Variants in KIF17 observed in about 807,000 individuals in gnomAD.
KIF17 encodes the protein kinesin-like protein KIF17.
A neutral mutation model predicts 96.8 loss-of-function variants in KIF17; 80 were observed. The observed-to-expected ratio is 0.83, with a 90% CI of 0.69 to 1.00. The LOEUF is 1.00. KIF17 is among the 50% of genes least tolerant of loss of function. The probability of loss-of-function intolerance (pLI) is 0.00; values close to 1 mark genes in which losing one functional copy is unlikely to be tolerated. For synonymous variants in KIF17, 567 were observed against 587.5 expected (o/e 0.97, Z 0.51); for missense variants, 1,280 against 1,372.9 (o/e 0.93, Z 1.07).
chr1:20,686,865 G>A (rs2053947409), intron 8 of KIF17, among the ~76,000 whole-genome samples: 2 of 151,942 alleles, frequency 1.3e-5, no homozygotes, highest in African/African-American at 4.9e-5. Context: ...CTGGCCAAGA[G>A]GAACATTGTT....
chr1:20,707,787 A>ATGTGTGTGTGTGTGTGTGTGTGTGTG lies in KIF17; in HGVS notation c.670+1826_670+1851dup, dbSNP rs3077930. 1.1e-3 allele frequency among the ~76,000 whole-genome samples: 139 copies of ATGTGTGTGTGTGTGTGTGTGTGTGTG among 124,552 alleles called. 1 individual carries two copies. The highest frequency in any genetic ancestry group is 4.2e-3 in the African/African-American group (127 of 30,528). 81.7% of individuals were successfully genotyped at this position (124,552 alleles called of 152,430 possible). A position where few individuals can be genotyped will look rare whatever the true frequency, so the allele number is the denominator to read the frequency against. On this transcript the variant is annotated intron_variant, in intron 4 of 14. Coordinates refer to ENST00000400463, the MANE Select transcript of KIF17 (RefSeq NM_001122819.3). ...CAAAAAAAAAAACAAACCAATGTGT[A>ATGTGTGTGTGTGTGTGTGTGTGTGTG]TGTGTGTGTGTGTGTGTGTGTGTGT...
chr1:20,706,662 G>T (rs969022836), intron 4 of KIF17, among the ~76,000 whole-genome samples: 1 of 151,940 alleles, frequency 6.6e-6, no homozygotes, highest in Non-Finnish European at 1.5e-5. Context: ...GAGATGGGAG[G>T]ATTGCTTGAC....
chr1:20,706,240 C>G (rs2054338775), intron 4 of KIF17, among the ~76,000 whole-genome samples: 1 of 150,312 alleles, frequency 6.7e-6, no homozygotes, highest in Non-Finnish European at 1.5e-5. Context: ...GGTTGGTGGT[C>G]TGGAGAAGTA....
At chr1:20,692,907 G>A (rs1023544102) in intron 6 of KIF17, 1 of 151,232 alleles carries the variant, frequency 6.6e-6, no homozygotes, top group African/African-American at 2.4e-5. Context: ...CTGAGTAGCT[G>A]GGACTACAGG....
intron 12 of KIF17, among the ~76,000 whole-genome samples, chr1:20,670,850 G>A (rs531073053): frequency 6.6e-6 from 1 of 152,136 alleles, no homozygotes; most frequent in Non-Finnish European, 1.5e-5. Flanking sequence ...TGAACACGCT[G>A]AGCAAGAGGG....
rs774539985 is a variant in KIF17, at chr1:20,704,667, G to T, written c.903C>A (p.Gly301=). 2.5e-6 allele frequency: 4 copies of T among 1,613,936 alleles called. No homozygotes were observed. The highest frequency in any genetic ancestry group is 3.4e-6 in the Non-Finnish European group (4 of 1,179,996). ...KLTRLLQDSL[G]GNTKTLMVAC... is the part of the protein sequence containing the mutation. The stretch of plus-strand genomic sequence containing the variant: ...CCACCATGAGCGTCTTGGTGTTGCC[G>T]CCCAGTGAGTCCTGCAGCAGCCGCG... Residue 301 remains glycine, a synonymous_variant, in exon 5 of 15, where the codon GGC becomes GGA. Coordinates refer to ENST00000400463, the MANE Select transcript of KIF17 (RefSeq NM_001122819.3). The surrounding 1 kb of genome is among the most constrained non-coding windows in gnomAD (Gnocchi z 6.8).
At position 20,709,574 on chromosome 1, in the gene KIF17, G is replaced by C; in HGVS notation, c.670+65C>G. 1 of 1,578,578 alleles carries C rather than the reference G, an allele frequency of 6.3e-7. No homozygotes were observed. Among genetic ancestry groups the C allele is most frequent in the East Asian group, 2.2e-5 (1 of 44,704 alleles). ...GGCTCCTGCGGCCCCGAGAGGTGGCGTGCCTTGGCTAGTGGGAGTGGCTGG... is the reference window on the plus strand; with the variant it reads ...GGCTCCTGCGGCCCCGAGAGGTGGCCTGCCTTGGCTAGTGGGAGTGGCTGG... On this transcript the variant is annotated intron_variant, in intron 4 of 14. Coordinates refer to ENST00000400463, the MANE Select transcript of KIF17 (RefSeq NM_001122819.3). The surrounding 1 kb of genome is among the most constrained non-coding windows in gnomAD (Gnocchi z 4.7).
intron 5 of KIF17, among the ~76,000 whole-genome samples, chr1:20,701,103 C>T (rs981384551): frequency 9.2e-5 from 14 of 152,194 alleles, no homozygotes; most frequent in Non-Finnish European, 1.6e-4. Context: ...CTTTCAGTGG[C>T]GCGGATCTCT....
In KIF17 at chr1:20,670,332, C is replaced by T. The variant is rs1167944791; in HGVS notation, c.2790+89G>A. ...CCTTAGGCGGGAGGAAAGTGGAAAA[C>T]CAGCTCTCCACAGTAACACTGACCC... On this transcript the variant is annotated intron_variant, in intron 13 of 14. Transcript: ENST00000400463. 13 of 1,300,408 alleles carry T rather than the reference C, an allele frequency of 1.0e-5. No homozygotes were observed. The Admixed American group carries it at 1.7e-4, about 17-fold the overall frequency. 80.6% of individuals were successfully genotyped at this position (1,300,408 alleles called of 1,614,324 possible). A position where few individuals can be genotyped will look rare whatever the true frequency, so the allele number is the denominator to read the frequency against.
intron 8 of KIF17, 169 bp from the exon 9 acceptor site, chr1:20,686,295 G>T (rs759446398): frequency 8.4e-5 from 57 of 680,584 alleles, no homozygotes; most frequent in Non-Finnish European, 1.3e-4. Flanking sequence ...AAGAGATGAG[G>T]GAGAGAACAG....
intron 7 of KIF17, among the ~76,000 whole-genome samples, chr1:20,689,164 G>A (rs2053992266): frequency 1.3e-5 from 2 of 152,106 alleles, no homozygotes; most frequent in African/African-American, 4.8e-5. Context: ...AGGAGGTGCA[G>A]GTAAAGCACC....
intron 11 of KIF17, among the ~76,000 whole-genome samples, chr1:20,677,723 G>T (rs1174152854): frequency 6.6e-6 from 1 of 152,176 alleles, no homozygotes; most frequent in African/African-American, 2.4e-5. Context: ...GGCATGGGTG[G>T]TGCACGCCTG....
At chr1:20,713,402 T>C in intron 3 of KIF17, 52 bp downstream of exon 3, 1 of 1,353,874 alleles carries the variant, frequency 7.4e-7, no homozygotes, top group Non-Finnish European at 1.1e-6. Context: ...GCAGCACCAA[T>C]GCCAACCTCC....
Position 20,670,429 on chromosome 1 carries a change from G to C in KIF17, c.2782C>G (p.Pro928Ala). 1.9e-6 allele frequency: 3 copies of C among 1,613,790 alleles called. No individual in the cohort carries two copies. Among genetic ancestry groups the C allele is most frequent in the Non-Finnish European group, 2.5e-6 (3 of 1,180,010 alleles). Residue 928 changes from proline (P) to alanine (A), a missense_variant, in exon 13 of 15, where the codon CCG (proline) becomes GCG (alanine). By Grantham distance (27) the Pro-to-Ala change is conservative. Transcript: ENST00000400463. ...RKTSAADNGEPNMEDDRYRLM... is the reference protein window; with the variant it reads ...RKTSAADNGEANMEDDRYRLM... ...TCTCCCGCGGTCCTCACCATGTTCG[G>C]CTCGCCATTGTCTGCTGCAGAGGTT...
Position 20,664,214 on chromosome 1 carries a change from G to A in KIF17, c.*370C>T. 1.8e-6 allele frequency: 1 copy of A among 559,832 alleles called. No homozygotes were observed. Among genetic ancestry groups the A allele is most frequent in the Non-Finnish European group, 2.7e-6 (1 of 374,654 alleles). The allele number at this position is 559,832 out of a possible 1,614,324, so 34.7% of individuals were successfully genotyped here. A position where few individuals can be genotyped will look rare whatever the true frequency, so the allele number is the denominator to read the frequency against. On this transcript the variant is annotated 3_prime_UTR_variant, in exon 15 of 15. Transcript: ENST00000400463. ...GCTGATATTGAGCTTCCTCCACGTG[G>A]CAGCTGCTGCCCTCTCCATCAGGGC...
chr1:20,671,712 G>A (rs918953608), intron 12 of KIF17, among the ~76,000 whole-genome samples: 9 of 152,068 alleles, frequency 5.9e-5, no homozygotes, highest in Admixed American at 3.9e-4. Flanking sequence ...TGAAGACACC[G>A]AGTCCCAAAA....
chr1:20,662,066 C>T (rs908359240), downstream of KIF17, among the ~76,000 whole-genome samples: 1 of 152,264 alleles, frequency 6.6e-6, no homozygotes, highest in Non-Finnish European at 1.5e-5. Context: ...CTCTCCAGGA[C>T]AGTTTCCCTG....
intron 3 of KIF17, among the ~76,000 whole-genome samples, chr1:20,712,307 T>C (rs893071853): frequency 6.6e-6 from 1 of 151,736 alleles, no homozygotes; most frequent in African/African-American, 2.4e-5. Flanking sequence ...CTGTCTCTGC[T>C]TCCCTGTCTG....
chr1:20,673,690 C>T (rs2053688233), intron 11 of KIF17, among the ~76,000 whole-genome samples: 1 of 151,858 alleles, frequency 6.6e-6, no homozygotes, highest in Non-Finnish European at 1.5e-5. Context: ...TCACCACGCT[C>T]AGCTCATTTT....
Sources: allele counts gnomAD v4.1 joint callset (sites outside exome capture counted in the v4.1 genomes callset), GRCh38; gene constraint gnomAD v4.1.1; non-coding constraint Gnocchi (gnomAD v3.1); transcripts MANE v1.5; gene names NCBI Gene and HGNC (gene_info 2026-07-23, HGNC 2026-07-21).